The following FAM107B variants were observed in gnomAD, a reference collection of about 807,000 sequenced individuals.
The protein encoded by FAM107B is family with sequence similarity 107 member B.
A neutral mutation model predicts 31.5 loss-of-function variants in FAM107B; 21 were observed. That is an observed-to-expected ratio of 0.67 (90% CI 0.47 to 0.96). The LOEUF (loss-of-function observed/expected upper bound fraction) is 0.96. FAM107B is among the 40% of genes least tolerant of loss of function. The pLI, the probability that FAM107B is intolerant of heterozygous loss-of-function variation, is 0.00. For missense variants in FAM107B, 452 were observed against 377.1 expected, an observed-to-expected ratio of 1.20 and a Z score of -1.64; for synonymous variants, 157 against 141.5, an observed-to-expected ratio of 1.11 and a Z score of -0.78.
At chr10:14,772,362 A>AAAATATATATATAT (rs10651238) in intron 1 of FAM107B, among the ~76,000 whole-genome samples, 22 of 145,634 alleles carry the variant, frequency 1.5e-4, no homozygotes, top group African/African-American at 5.5e-4. Flanking sequence ...TTAAAAAAAA[A>AAAATATATATATAT]ATATATATAT....
chr10:14,569,907 C>A (rs1442603944), intron 2 of FAM107B, among the ~76,000 whole-genome samples: 4 of 152,216 alleles, frequency 2.6e-5, no homozygotes, highest in Admixed American at 6.5e-5. Context: ...ACCAGGCAGG[C>A]TGGGCGAGCC....
At chr10:14,606,702 T>C (rs555506929) in intron 2 of FAM107B, among the ~76,000 whole-genome samples, 209 of 151,960 alleles carry the variant, frequency 1.4e-3, no homozygotes, top group Middle Eastern at 6.8e-3. Context: ...CCTCTCTCCC[T>C]CCCTCCTTCC....
intron 1 of FAM107B, among the ~76,000 whole-genome samples, chr10:14,683,843 AGCTCCCAGAG>A (rs1854909219): frequency 6.6e-6 from 1 of 152,168 alleles, no homozygotes; most frequent in Non-Finnish European, 1.5e-5. Context: ...ATGTAACTGA[AGCTCCCAGAG>A]GCTACACATG....
At position 14,520,522 on chromosome 10, in the gene FAM107B, C is replaced by A. The variant is rs1246205911; in HGVS notation, c.*668G>T. 6.6e-6 allele frequency: 1 copy of A among 152,194 alleles called. No homozygotes were observed. Among genetic ancestry groups the A allele is most frequent in the Non-Finnish European group, 1.5e-5 (1 of 68,028 alleles). The allele number at this position is 152,194 out of a possible 1,614,324, so 9.4% of individuals were successfully genotyped here. On this transcript the variant is annotated 3_prime_UTR_variant, in exon 5 of 5. Transcript: ENST00000181796. Reference sequence around the variant, plus strand: ...TTGGAACTGGAATGTCACTATGTAGCCTGCTATTATTACACAGAGAACCAA... The same window carrying A: ...TTGGAACTGGAATGTCACTATGTAGACTGCTATTATTACACAGAGAACCAA...
At chr10:14,567,482 G>A (rs569335662) in intron 2 of FAM107B, among the ~76,000 whole-genome samples, 2 of 152,238 alleles carry the variant, frequency 1.3e-5, no homozygotes, top group South Asian at 4.2e-4. Context: ...GGTTGATGAG[G>A]AAAATTTGAT....
chr10:14,568,305 C>T (rs1269066887), intron 2 of FAM107B, among the ~76,000 whole-genome samples: 1 of 150,568 alleles, frequency 6.6e-6, no homozygotes, highest in Non-Finnish European at 1.5e-5. Context: ...CGGAGAGTGG[C>T]TCTCGGTTAG....
chr10:14,657,542 C>T (rs1382842471), intron 2 of FAM107B, among the ~76,000 whole-genome samples: 1 of 152,166 alleles, frequency 6.6e-6, no homozygotes, highest in Non-Finnish European at 1.5e-5. Context: ...AGAAACATCT[C>T]CTTGGATTCC....
intron 2 of FAM107B, among the ~76,000 whole-genome samples, chr10:14,548,095 C>A (rs944931652): frequency 2.6e-5 from 4 of 152,238 alleles, no homozygotes; most frequent in African/African-American, 9.6e-5. Context: ...AAAGCAACAG[C>A]TGTCAGCAAG....
At chr10:14,691,775 T>A (rs971106752) in intron 1 of FAM107B, among the ~76,000 whole-genome samples, 6 of 151,188 alleles carry the variant, frequency 4.0e-5, no homozygotes, top group Non-Finnish European at 5.9e-5. Flanking sequence ...GTGGCTATAA[T>A]CCCAGCTACT....
At chr10:14,628,380 A>C (rs1853231535) in intron 2 of FAM107B, among the ~76,000 whole-genome samples, 1 of 151,820 alleles carries the variant, frequency 6.6e-6, no homozygotes, top group African/African-American at 2.4e-5. Context: ...GATCTCCCAA[A>C]GTGTTGGGAT....
intron 2 of FAM107B, chr10:14,604,312 C>A: frequency 5.2e-6 from 5 of 969,692 alleles, no homozygotes; most frequent in East Asian, 1.2e-4. Context: ...CCCAGCGGCC[C>A]GACTGCTCGG....
chr10:14,670,152 T>C (rs1317895570), intron 1 of FAM107B, among the ~76,000 whole-genome samples: 1 of 152,242 alleles, frequency 6.6e-6, no homozygotes, highest in Non-Finnish European at 1.5e-5. Context: ...TAGAAGTGAA[T>C]TGATTTCACC....
chr10:14,620,060 G>A (rs1167326959), intron 2 of FAM107B, among the ~76,000 whole-genome samples: 3 of 126,506 alleles, frequency 2.4e-5, no homozygotes, highest in East Asian at 4.7e-4. Flanking sequence ...TCGCTCTGTC[G>A]CCAGGCTGGA....
chr10:14,760,599 GT>G lies in FAM107B; in HGVS notation c.411+13653del, dbSNP rs138963111. ...AGCATATTGCCAAGAAGAGATGTAC[GT>G]TTTTTCACAATTTTAGCTTTACGAT... On this transcript the variant is annotated intron_variant, in intron 1 of 4. Transcript: ENST00000181796. Among the ~76,000 whole-genome samples the G allele has an allele frequency of 8.8e-3, 1,341 of 152,188 alleles. 18 individuals carry two copies. Among genetic ancestry groups the G allele is most frequent in the African/African-American group, 0.031 (1,281 of 41,518 alleles).
intron 2 of FAM107B, among the ~76,000 whole-genome samples, chr10:14,532,983 A>G (rs1208046090): frequency 6.6e-6 from 1 of 152,148 alleles, no homozygotes; most frequent in Non-Finnish European, 1.5e-5. Flanking sequence ...GAGGAATGGC[A>G]AAGCGCGAGG....
At chr10:14,560,486 G>C (rs1850147249) in intron 2 of FAM107B, among the ~76,000 whole-genome samples, 1 of 152,208 alleles carries the variant, frequency 6.6e-6, no homozygotes, top group South Asian at 2.1e-4. Flanking sequence ...GAGCACCAAT[G>C]GCCTGCAGGT....
intron 1 of FAM107B, among the ~76,000 whole-genome samples, chr10:14,729,012 A>G (rs1262819459): frequency 6.6e-6 from 1 of 151,734 alleles, no homozygotes; most frequent in South Asian, 2.1e-4. Flanking sequence ...GTTTTTTTTT[A>G]AATGGGGTCT....
intron 1 of FAM107B, among the ~76,000 whole-genome samples, chr10:14,736,834 T>G (rs1222368174): frequency 6.6e-6 from 1 of 152,174 alleles, no homozygotes; most frequent in Non-Finnish European, 1.5e-5. Context: ...ATGACTGCAA[T>G]GTGAAATCAT....
intron 1 of FAM107B, among the ~76,000 whole-genome samples, chr10:14,680,220 A>C (rs1854797497): frequency 6.6e-6 from 1 of 152,146 alleles, no homozygotes; most frequent in African/African-American, 2.4e-5. Context: ...AGCAACAGTC[A>C]CATCCCATGA....
Sources: allele counts gnomAD v4.1 joint callset (sites outside exome capture counted in the v4.1 genomes callset), GRCh38; gene constraint gnomAD v4.1.1; transcripts MANE v1.5; gene names NCBI Gene and HGNC (gene_info 2026-07-23, HGNC 2026-07-21).